The following GTF3C1 variants were observed in gnomAD, a reference collection of about 807,000 sequenced individuals.
The protein encoded by GTF3C1 is general transcription factor IIIC subunit 1, also known as general transcription factor 3C polypeptide 1.
GTF3C1 carries 57 observed loss-of-function variants against 226.7 expected under a neutral mutation model. That is an observed-to-expected ratio of 0.25 (90% CI 0.20 to 0.31). The LOEUF (loss-of-function observed/expected upper bound fraction) is 0.31. GTF3C1 is among the 10% of genes least tolerant of loss of function. The pLI, the probability that GTF3C1 is intolerant of heterozygous loss-of-function variation, is 1.00. For synonymous variants in GTF3C1, 1,090 were observed against 1,084.8 expected (o/e 1.00, Z -0.09); for missense variants, 2,217 against 2,776.1 (o/e 0.80, Z 4.53).
intron 20 of GTF3C1, among the ~76,000 whole-genome samples, 169 bp downstream of exon 20, chr16:27,489,433 A>G (rs2088198166): frequency 6.6e-6 from 1 of 152,284 alleles, no homozygotes; most frequent in Non-Finnish European, 1.5e-5. Flanking sequence ...TTTTAAAAAC[A>G]AGATGTGGGC....
chr16:27,531,302 C>T lies in GTF3C1; in HGVS notation c.849+1989G>A, dbSNP rs550310764. 2.6e-5 allele frequency among the ~76,000 whole-genome samples: 4 copies of T among 152,378 alleles called. No homozygotes were observed. In the South Asian group the frequency reaches 8.3e-4, roughly 32 times the overall value. ...CAGCTGCCCTCTGGATTACTGCCCACTTCTAAGCATGTTGCATGGCCTTCC... is the reference window on the plus strand; with the variant it reads ...CAGCTGCCCTCTGGATTACTGCCCATTTCTAAGCATGTTGCATGGCCTTCC... On this transcript the variant is annotated intron_variant, in intron 5 of 36. Coordinates refer to ENST00000356183, the MANE Select transcript of GTF3C1 (RefSeq NM_001520.4).
At chr16:27,468,760 A>T (rs981091439) in intron 32 of GTF3C1, among the ~76,000 whole-genome samples, 1 of 152,208 alleles carries the variant, frequency 6.6e-6, no homozygotes, top group Non-Finnish European at 1.5e-5. Flanking sequence ...ATAAAAATAA[A>T]AAGTAAAGTT....
chr16:27,503,437 AG>A (rs2088438554), intron 10 of GTF3C1, among the ~76,000 whole-genome samples: 1 of 152,254 alleles, frequency 6.6e-6, no homozygotes, highest in Admixed American at 6.5e-5. Context: ...AGAAGAAACC[AG>A]GGCTCTGTGT....
chr16:27,538,712 G>A (rs1244848410), intron 2 of GTF3C1, among the ~76,000 whole-genome samples: 1 of 152,096 alleles, frequency 6.6e-6, no homozygotes, highest in Non-Finnish European at 1.5e-5. Flanking sequence ...ATCCTCCACA[G>A]CTCTGCCCCT....
At chr16:27,478,608 G>T in intron 27 of GTF3C1, 77 bp from the exon 28 acceptor site, 1 of 958,556 alleles carries the variant, frequency 1.0e-6, no homozygotes, top group Non-Finnish European at 1.7e-6. Flanking sequence ...GCTCAAGATG[G>T]CCATTTATTG....
Position 27,492,386 on chromosome 16 carries a change from C to T in GTF3C1, c.3103G>A (p.Glu1035Lys). The T allele has an allele frequency of 1.2e-6, 2 of 1,610,778 alleles. No homozygotes were observed. Among genetic ancestry groups the T allele is most frequent in the Non-Finnish European group, 1.7e-6 (2 of 1,177,866 alleles). ...CACTGCAGGTCAAACCAGTAGTTTT[C>T]CACATCCTGCATTGAGTTCAGGACA... ...LYVLNSMQDV[E>K]NYWFDLQCVC... Residue 1035 changes from glutamate to lysine, a missense_variant, in exon 19 of 37, where the codon GAA becomes AAA. This residue lies in a region of GTF3C1 where 353 missense variants were observed against 411.7 expected (regional missense o/e 0.86). Coordinates refer to ENST00000356183, the MANE Select transcript of GTF3C1 (RefSeq NM_001520.4). The surrounding 1 kb of genome is among the most constrained non-coding windows in gnomAD (Gnocchi z 5.0).
intron 7 of GTF3C1, among the ~76,000 whole-genome samples, chr16:27,509,631 G>A (rs1371128213): frequency 9.9e-5 from 15 of 151,588 alleles, no homozygotes; most frequent in African/African-American, 1.7e-4. Flanking sequence ...GGTGGCGGGC[G>A]CCTGTAGTCC....
chr16:27,537,576 ATTT>A (rs1360672113), intron 4 of GTF3C1, among the ~76,000 whole-genome samples: 3 of 151,888 alleles, frequency 2.0e-5, no homozygotes, highest in Admixed American at 6.6e-5. Context: ...CGCCCAGCTA[ATTT>A]TTTATTTTTA....
chr16:27,485,148 CAG>C (rs2088118253), intron 24 of GTF3C1, among the ~76,000 whole-genome samples: 1 of 152,234 alleles, frequency 6.6e-6, no homozygotes, highest in African/African-American at 2.4e-5. Flanking sequence ...GATGAGAGAA[CAG>C]GGGACAAGCG....
In GTF3C1 at chr16:27,461,684, C is replaced by CCTGAA; in HGVS notation, c.6118-127_6118-123dup. The CCTGAA allele has an allele frequency of 1.4e-6, 1 of 724,776 alleles. No homozygotes were observed. The highest frequency in any genetic ancestry group is 2.3e-6 in the Non-Finnish European group (1 of 427,580). The allele number at this position is 724,776 out of a possible 1,614,324, so 44.9% of individuals were successfully genotyped here. ...GAGCCACTTCCCAGAGCAGGGGGCA[C>CCTGAA]CTGAACTGGGCATGAGGCAGATGGG... On this transcript the variant is annotated intron_variant, in intron 36 of 36. Coordinates refer to ENST00000356183, the MANE Select transcript of GTF3C1 (RefSeq NM_001520.4). The surrounding 1 kb of genome is among the most constrained non-coding windows in gnomAD (Gnocchi z 5.3).
At chr16:27,546,486 GAAAA>G (rs11406778) in intron 1 of GTF3C1, among the ~76,000 whole-genome samples, 33 of 111,888 alleles carry the variant, frequency 2.9e-4, no homozygotes, top group African/African-American at 9.8e-4. Context: ...TTTTTTTTTT[GAAAA>G]AAAAAAAAAA....
rs1295638436 is a variant in GTF3C1 at position 27,463,687 on chromosome 16, C to T, written c.5873-95G>A. 2 of 780,194 alleles carry T rather than the reference C, an allele frequency of 2.6e-6. No homozygotes were observed. The highest frequency in any genetic ancestry group is 4.7e-6 in the Non-Finnish European group (2 of 427,488). The allele number at this position is 780,194 out of a possible 1,614,324, so 48.3% of individuals were successfully genotyped here. On this transcript the variant is annotated intron_variant, in intron 34 of 36. Coordinates refer to ENST00000356183, the MANE Select transcript of GTF3C1 (RefSeq NM_001520.4). This position sits in a 1 kb window ranked among gnomAD's most constrained non-coding sequence, Gnocchi z 4.9. ...AGCATGGTACCTAGCATGAGCAGGG[C>T]ACCTCGAGGCTCAGGGGATGAAGTG...
rs1229925207 is a variant in GTF3C1, at chr16:27,488,261, C to G, written c.3666G>C (p.Lys1222Asn). The G allele has an allele frequency of 6.2e-7, 1 of 1,614,202 alleles. No homozygotes were observed. ...GKSQKRKRLK[K>N]DPGKKIKRKK... ...TTCTCTTGATCTTCTTCCCAGGGTCCTTCTTCAGCCGCTTCCGCTTCTGGC... is the reference window on the plus strand; with the variant it reads ...TTCTCTTGATCTTCTTCCCAGGGTCGTTCTTCAGCCGCTTCCGCTTCTGGC... The change falls in exon 23 of 37, where the codon AAG becomes AAC. Residue 1222 changes from lysine (K) to asparagine (N), a missense_variant. This residue lies in a region of GTF3C1 where 546 missense variants were observed against 663.0 expected (regional missense o/e 0.82). Coordinates refer to ENST00000356183, the MANE Select transcript of GTF3C1 (RefSeq NM_001520.4).
intron 6 of GTF3C1, among the ~76,000 whole-genome samples, chr16:27,527,813 G>A (rs1478883303): frequency 1.3e-5 from 2 of 152,046 alleles, no homozygotes; most frequent in East Asian, 3.9e-4. Flanking sequence ...ACCAGACTGG[G>A]CAACATAGCG....
At chr16:27,548,009 C>G (rs2089188622) in intron 1 of GTF3C1, among the ~76,000 whole-genome samples, 1 of 152,182 alleles carries the variant, frequency 6.6e-6, no homozygotes, top group South Asian at 2.1e-4. Context: ...TGCTAGTTGA[C>G]TTTTAGCATG....
chr16:27,519,126 GGGACAGTAAA>G (rs2088707113), intron 6 of GTF3C1, among the ~76,000 whole-genome samples: 1 of 151,954 alleles, frequency 6.6e-6, no homozygotes, highest in African/African-American at 2.4e-5. Flanking sequence ...GCATTTGGGT[GGGACAGTAAA>G]GGATACTAAG....
At chr16:27,536,274 T>C (rs943408595) in intron 4 of GTF3C1, among the ~76,000 whole-genome samples, 11 of 152,194 alleles carry the variant, frequency 7.2e-5, no homozygotes, top group African/African-American at 2.4e-4. Flanking sequence ...AGTAGGCTAT[T>C]AGTAGTTAAG....
intron 29 of GTF3C1, among the ~76,000 whole-genome samples, chr16:27,475,013 G>A (rs1381140538): frequency 6.6e-6 from 1 of 152,250 alleles, no homozygotes; most frequent in Non-Finnish European, 1.5e-5. Flanking sequence ...ACTAGGGCCA[G>A]GGTGCTGCTC....
chr16:27,474,987 G>A (rs954443733), intron 29 of GTF3C1, among the ~76,000 whole-genome samples: 2 of 152,226 alleles, frequency 1.3e-5, no homozygotes, highest in African/African-American at 4.8e-5. Flanking sequence ...CTGAGGTCTG[G>A]CCATGGCCGT....
Sources: gnomAD v4.1 joint callset for allele counts (sites outside exome capture counted in the v4.1 genomes callset) on GRCh38, gnomAD v4.1.1 for gene constraint, gnomAD v4.1.1 regional missense constraint, Gnocchi (gnomAD v3.1) non-coding constraint, MANE v1.5 for transcripts, NCBI Gene and HGNC (gene_info 2026-07-23, HGNC 2026-07-21) for gene names.